ADAMTS17: variants seen among roughly 807,000 people sequenced by gnomAD.
ADAMTS17 encodes the protein A disintegrin and metalloproteinase with thrombospondin motifs 17.
A neutral mutation model predicts 141.5 loss-of-function variants in ADAMTS17; 113 were observed. That is an observed-to-expected ratio of 0.80 (90% CI 0.69 to 0.93). The LOEUF (loss-of-function observed/expected upper bound fraction) is 0.93. Among genes scored for constraint, ADAMTS17 ranks in the 40% least tolerant of loss-of-function variants. The probability of loss-of-function intolerance (pLI) is 0.00; values close to 1 mark genes in which losing one functional copy is unlikely to be tolerated. For missense variants in ADAMTS17, 1,659 were observed against 1,517.9 expected (o/e 1.09, Z -1.54); for synonymous variants, 768 against 630.6 (o/e 1.22, Z -3.27).
intron 7 of ADAMTS17, among the ~76,000 whole-genome samples, chr15:100,241,311 T>G (rs1246609896): frequency 6.6e-6 from 1 of 152,224 alleles, no homozygotes; most frequent in Non-Finnish European, 1.5e-5. Context: ...GCAGGTCACC[T>G]GCCAAAGTTG....
At chr15:100,224,481 C>T (rs1271933034) in intron 7 of ADAMTS17, among the ~76,000 whole-genome samples, 1 of 152,184 alleles carries the variant, frequency 6.6e-6, no homozygotes, top group Non-Finnish European at 1.5e-5. Flanking sequence ...TCATAAATTA[C>T]TCAGTCATCA....
intron 3 of ADAMTS17, among the ~76,000 whole-genome samples, chr15:100,321,624 T>C (rs1259706669): frequency 1.3e-5 from 2 of 152,146 alleles, no homozygotes; most frequent in Admixed American, 1.3e-4. Context: ...CATTACATGA[T>C]GATAAAAGGA....
chr15:100,249,716 T>C (rs1673148215), intron 7 of ADAMTS17, among the ~76,000 whole-genome samples: 1 of 152,220 alleles, frequency 6.6e-6, no homozygotes, highest in Admixed American at 6.5e-5. Context: ...AAATGCAGAC[T>C]GGGCAGTGGA....
At position 99,997,902 on chromosome 15, in the gene ADAMTS17, T is replaced by C. The variant is rs2060837635; in HGVS notation, c.2592-313A>G. 6.6e-6 allele frequency among the ~76,000 whole-genome samples: 1 copy of C among 152,170 alleles called. No individual in the cohort carries two copies. The highest frequency in any genetic ancestry group is 1.5e-5 in the Non-Finnish European group (1 of 68,022). ...ATCTGCTTGTCGTCATAGGACCTGC[T>C]TCTTTCGACAGGGTGTGAGTGAAGA... On this transcript the variant is annotated intron_variant, in intron 18 of 21. Transcript: ENST00000268070. This position sits in a 1 kb window ranked among gnomAD's most constrained non-coding sequence, Gnocchi z 4.7.
chr15:100,038,180 CTG>C (rs1383509505), intron 18 of ADAMTS17, among the ~76,000 whole-genome samples: 1 of 152,226 alleles, frequency 6.6e-6, no homozygotes, highest in African/African-American at 2.4e-5. Flanking sequence ...TTGACAGTAA[CTG>C]TGAAGATTTA....
At chr15:100,214,902 C>A (rs528508326) in intron 7 of ADAMTS17, among the ~76,000 whole-genome samples, 1 of 152,338 alleles carries the variant, frequency 6.6e-6, no homozygotes, top group East Asian at 1.9e-4. Context: ...TGCACTGTCC[C>A]GTGACAAGTT....
intron 7 of ADAMTS17, among the ~76,000 whole-genome samples, chr15:100,215,760 G>T (rs1020515301): frequency 1.3e-5 from 2 of 152,098 alleles, no homozygotes; most frequent in African/African-American, 2.4e-5. Flanking sequence ...AGCTGCTAGT[G>T]TATTTCCCTT....
At chr15:100,116,320 G>T (rs2037127737) in intron 13 of ADAMTS17, among the ~76,000 whole-genome samples, 1 of 152,068 alleles carries the variant, frequency 6.6e-6, no homozygotes, top group Admixed American at 6.5e-5. Context: ...TCAGGAGAAA[G>T]CTCTTGGAAA....
At chr15:100,164,385 C>T (rs1169523733) in intron 8 of ADAMTS17, among the ~76,000 whole-genome samples, 1 of 30,724 alleles carries the variant, frequency 3.3e-5, no homozygotes, top group Non-Finnish European at 6.0e-5. Flanking sequence ...GATAATAATA[C>T]TGAATGTCAT....
At chr15:100,124,625 T>C (rs74037400) in intron 12 of ADAMTS17, among the ~76,000 whole-genome samples, 2,907 of 152,340 alleles carry the variant, frequency 0.019, 102 homozygotes, top group African/African-American at 0.065. Context: ...TGTACTGACA[T>C]ATACCTGCAC....
chr15:100,117,002 C>T lies in ADAMTS17; in HGVS notation c.1733G>A (p.Gly578Glu). ...RKCDNPPPGP[G>E]GTHCPGASVE... is the part of the protein sequence containing the mutation. ...ACTGGCACCCGGGCAGTGTGTGCCT[C>T]CAGGCCCAGGGCTAGAAGGAAGAAG... The change falls in exon 13 of 22, where the codon GGA (glycine) becomes GAA (glutamate). Residue 578 changes from glycine (G) to glutamate (E), a missense_variant. Physicochemically the swap from Gly to Glu is moderately conservative, Grantham distance 98. Transcript: ENST00000268070. The T allele has an allele frequency of 2.5e-6, 4 of 1,611,522 alleles. No homozygotes were observed. Among genetic ancestry groups the T allele is most frequent in the Non-Finnish European group, 2.5e-6 (3 of 1,179,032 alleles).
intron 18 of ADAMTS17, among the ~76,000 whole-genome samples, chr15:100,017,208 C>T (rs534406975): frequency 1.3e-5 from 2 of 152,302 alleles, no homozygotes; most frequent in East Asian, 1.9e-4. Context: ...TGGTCTCACT[C>T]GCAACGTGCC....
chr15:100,109,127 A>G lies in ADAMTS17; in HGVS notation c.1889-11T>C, dbSNP rs1477242873. The G allele has an allele frequency of 2.5e-6, 4 of 1,606,392 alleles. No homozygotes were observed. The highest frequency in any genetic ancestry group is 3.4e-6 in the Non-Finnish European group (4 of 1,176,410). ...GTTCACATGGCTTATCTGAGGAGGG[A>G]AAGGTTGGAGGACGTTGACACGGGA... On this transcript the variant is annotated splice_polypyrimidine_tract_variant and intron_variant, in intron 13 of 21. Transcript: ENST00000268070.
At chr15:100,269,654 G>A (rs930581686) in intron 4 of ADAMTS17, among the ~76,000 whole-genome samples, 1 of 152,120 alleles carries the variant, frequency 6.6e-6, no homozygotes, top group African/African-American at 2.4e-5. Context: ...GATTCCTGGA[G>A]GAGGGACAGT....
At chr15:100,005,207 C>A (rs1183434035) in intron 18 of ADAMTS17, among the ~76,000 whole-genome samples, 3 of 152,230 alleles carry the variant, frequency 2.0e-5, no homozygotes, top group Admixed American at 2.0e-4. Flanking sequence ...TAATGAGATG[C>A]CTCAGGCAGC....
intron 18 of ADAMTS17, among the ~76,000 whole-genome samples, chr15:100,031,590 C>T (rs1427860394): frequency 1.3e-5 from 2 of 152,218 alleles, no homozygotes; most frequent in African/African-American, 2.4e-5. Flanking sequence ...AACGGAGCAT[C>T]TGTCCAGACC....
intron 7 of ADAMTS17, among the ~76,000 whole-genome samples, chr15:100,201,249 C>T (rs1397445136): frequency 2.6e-5 from 4 of 152,154 alleles, no homozygotes; most frequent in Non-Finnish European, 4.4e-5. Context: ...ATCATGGGAA[C>T]AGTTTCCCCC....
At chr15:100,005,048 G>A (rs936167186) in intron 18 of ADAMTS17, among the ~76,000 whole-genome samples, 1 of 152,182 alleles carries the variant, frequency 6.6e-6, no homozygotes, top group Non-Finnish European at 1.5e-5. Flanking sequence ...GAGCCACTAC[G>A]CCTGGCTGAA....
intron 15 of ADAMTS17, among the ~76,000 whole-genome samples, chr15:100,078,765 A>G (rs28807080): frequency 0.16 from 23,731 of 152,156 alleles, 3,577 homozygotes; most frequent in African/African-American, 0.4. Flanking sequence ...GATACCATCA[A>G]GAGAGTGAAA....
Sources: allele counts gnomAD v4.1 joint callset (sites outside exome capture counted in the v4.1 genomes callset), GRCh38; gene constraint gnomAD v4.1.1; non-coding constraint Gnocchi (gnomAD v3.1); transcripts MANE v1.5; gene names NCBI Gene and HGNC (gene_info 2026-07-23, HGNC 2026-07-21).